CAST: variants seen among roughly 807,000 people sequenced by gnomAD.
The protein encoded by CAST is calpastatin.
In CAST, 76 loss-of-function variants were observed where a neutral mutation model predicts 119.6. The ratio of observed to expected loss-of-function variants is 0.64; its 90% CI spans 0.53 to 0.77. CAST has a LOEUF of 0.77. Among genes scored for constraint, CAST ranks in the 30% least tolerant of loss-of-function variants. The pLI is 0.00. For missense variants in CAST, 953 were observed against 946.5 expected, an observed-to-expected ratio of 1.01 and a Z score of -0.09; for synonymous variants, 319 against 331.6, an observed-to-expected ratio of 0.96 and a Z score of 0.41.
intron 1 of CAST, among the ~76,000 whole-genome samples, chr5:96,582,618 C>G (rs867762092): frequency 6.6e-6 from 1 of 152,156 alleles, no homozygotes; most frequent in Non-Finnish European, 1.5e-5. Context: ...TGTACTGGGA[C>G]GGAGTGAGCA....
At chr5:96,071,409 C>T in the CAST span, among the ~76,000 whole-genome samples, 1 of 152,054 alleles carries the variant, frequency 6.6e-6, no homozygotes, top group Non-Finnish European at 1.5e-5. Context: ...GTCTAGCACT[C>T]GTATATCAGT....
At chr5:96,062,679 C>T in the CAST span, among the ~76,000 whole-genome samples, 1 of 152,064 alleles carries the variant, frequency 6.6e-6, no homozygotes, top group African/African-American at 2.4e-5. Context: ...GATAATTGGT[C>T]CTGAAAGAAA....
intron 1 of CAST, among the ~76,000 whole-genome samples, chr5:96,623,553 A>T (rs890365436): frequency 1.3e-5 from 2 of 152,168 alleles, no homozygotes; most frequent in African/African-American, 4.8e-5. Flanking sequence ...GTGTCATTTA[A>T]ATCTGGGTCT....
At chr5:96,650,728 T>TTGTGTG (rs34230121) in intron 1 of CAST, among the ~76,000 whole-genome samples, 5,565 of 142,120 alleles carry the variant, frequency 0.039, 107 homozygotes, top group Middle Eastern at 0.1. Context: ...ACCCACTTAA[T>TTGTGTG]TGTGTGTGTG....
At chr5:96,764,120 C>T (rs1364916964) in intron 25 of CAST, among the ~76,000 whole-genome samples, 1 of 152,150 alleles carries the variant, frequency 6.6e-6, no homozygotes, top group African/African-American at 2.4e-5. Context: ...ATATTAAACA[C>T]ATTTTAATTG....
intron 20 of CAST, among the ~76,000 whole-genome samples, chr5:96,751,246 C>T (rs1393248220): frequency 1.3e-5 from 2 of 152,080 alleles, no homozygotes; most frequent in Non-Finnish European, 2.9e-5. Context: ...GAATTTGACT[C>T]AGGGAATAAC....
At chr5:96,429,331 G>A in the CAST span, 1 of 1,379,950 alleles carries the variant, frequency 7.2e-7, no homozygotes, top group Non-Finnish European at 1.0e-6. Flanking sequence ...TAAAAGGAAA[G>A]AAATAAAATA....
At chr5:96,027,828 G>T in the CAST span, among the ~76,000 whole-genome samples, 1 of 152,058 alleles carries the variant, frequency 6.6e-6, no homozygotes, top group Non-Finnish European at 1.5e-5. Flanking sequence ...ATAAAAAAGA[G>T]ACTCAAATTT....
At chr5:96,679,143 G>GCCA (rs1222914219) in intron 2 of CAST, among the ~76,000 whole-genome samples, 1 of 152,052 alleles carries the variant, frequency 6.6e-6, no homozygotes, top group Non-Finnish European at 1.5e-5. Context: ...ATAAGTGTGA[G>GCCA]CCACCACGCC....
the CAST span, among the ~76,000 whole-genome samples, chr5:96,259,929 A>C: frequency 6.7e-6 from 1 of 149,908 alleles, no homozygotes; most frequent in Non-Finnish European, 1.5e-5. Context: ...TTTTGGTCTT[A>C]ATGACTGAAA....
At chr5:96,287,330 C>T in the CAST span, among the ~76,000 whole-genome samples, 1 of 152,118 alleles carries the variant, frequency 6.6e-6, no homozygotes, top group African/African-American at 2.4e-5. Context: ...AAACATTGTT[C>T]CAGCTCATTC....
the CAST span, among the ~76,000 whole-genome samples, chr5:96,156,815 T>C: frequency 0.31 from 47,442 of 152,020 alleles, 7,639 homozygotes; most frequent in Middle Eastern, 0.38. Flanking sequence ...CTTTTCAAAG[T>C]TCCCCCAGGG....
At chr5:96,176,240 G>A in the CAST span, among the ~76,000 whole-genome samples, 1 of 152,218 alleles carries the variant, frequency 6.6e-6, no homozygotes, top group Non-Finnish European at 1.5e-5. Context: ...ATTTGCATTT[G>A]GCTGAAGTGT....
At chr5:96,236,030 A>G in the CAST span, among the ~76,000 whole-genome samples, 24 of 152,180 alleles carry the variant, frequency 1.6e-4, no homozygotes, top group Non-Finnish European at 2.8e-4. Flanking sequence ...GATAGCATTG[A>G]AAATGTATTG....
At chr5:96,042,068 G>T in the CAST span, among the ~76,000 whole-genome samples, 4 of 152,174 alleles carry the variant, frequency 2.6e-5, no homozygotes, top group Non-Finnish European at 5.9e-5. Context: ...AGAGGTGGGA[G>T]CTGCTTCCTC....
chr5:96,552,691 G>T (rs1468443117), intron 1 of CAST, among the ~76,000 whole-genome samples: 1 of 151,802 alleles, frequency 6.6e-6, no homozygotes, highest in Non-Finnish European at 1.5e-5. Flanking sequence ...AAAGAGAGAA[G>T]AATCAAATAG....
At chr5:96,445,851 A>G in the CAST span, among the ~76,000 whole-genome samples, 1 of 152,126 alleles carries the variant, frequency 6.6e-6, no homozygotes, top group African/African-American at 2.4e-5. Flanking sequence ...GAACTGCAAA[A>G]TAATCTTTTT....
At chr5:96,426,338 T>C in the CAST span, among the ~76,000 whole-genome samples, 1 of 152,220 alleles carries the variant, frequency 6.6e-6, no homozygotes, top group East Asian at 1.9e-4. Context: ...ACTGCTGTTA[T>C]AATGCTTTTA....
chr5:96,298,638 C>T, the CAST span, among the ~76,000 whole-genome samples: 4 of 151,918 alleles, frequency 2.6e-5, no homozygotes, highest in Admixed American at 6.6e-5. Flanking sequence ...TTTTTAGTGC[C>T]TGAGAACAAA....
Sources: allele counts gnomAD v4.1 joint callset (sites outside exome capture counted in the v4.1 genomes callset), GRCh38; gene constraint gnomAD v4.1.1; transcripts MANE v1.5; gene names NCBI Gene and HGNC (gene_info 2026-07-23, HGNC 2026-07-21).